NLRP14: variants seen among roughly 807,000 people sequenced by gnomAD.
NLRP14 encodes the protein NLR family pyrin domain containing 14.
Under a neutral mutation model 94.7 loss-of-function variants are expected in NLRP14, and 105 were observed. That is an observed-to-expected ratio of 1.11 (90% CI 0.95 to 1.30). The LOEUF is 1.30. NLRP14 is among the 50% of genes most tolerant of loss of function. The pLI is 0.00. For missense variants in NLRP14, 1,362 were observed against 1,254.1 expected, an observed-to-expected ratio of 1.09 and a Z score of -1.30; for synonymous variants, 508 against 459.9, an observed-to-expected ratio of 1.10 and a Z score of -1.34.
the NLRP14 span, chr11:7,089,171 C>T: frequency 1.2e-6 from 2 of 1,614,008 alleles, no homozygotes; most frequent in East Asian, 2.2e-5. Flanking sequence ...GCCTCAACCT[C>T]GAAACCGACG....
the NLRP14 span, among the ~76,000 whole-genome samples, chr11:7,080,160 T>C: frequency 6.6e-6 from 1 of 152,160 alleles, no homozygotes; most frequent in South Asian, 2.1e-4. Context: ...ACTGTTTAGG[T>C]ATCCTGGGGA....
At position 7,020,667 on chromosome 11, in the gene NLRP14, G is replaced by A. The variant is rs2291536; in HGVS notation, c.-125G>A. 14,376 of 152,398 alleles carry A rather than the reference G, an allele frequency of 0.094. 752 individuals are homozygous for A. Among genetic ancestry groups the A allele is most frequent in the Admixed American group, 0.16 (2,451 of 15,296 alleles). The allele number at this position is 152,398 out of a possible 1,614,324, so 9.4% of individuals were successfully genotyped here. A position where few individuals can be genotyped will look rare whatever the true frequency, so the allele number is the denominator to read the frequency against. ...GACGACCCCGAGGAAACGCTGTCAGGTCGCCTTTGGTTGGCAAGGCGTGGT... is the reference window on the plus strand; with the variant it reads ...GACGACCCCGAGGAAACGCTGTCAGATCGCCTTTGGTTGGCAAGGCGTGGT... On this transcript the variant is annotated 5_prime_UTR_variant, in exon 1 of 12. Coordinates refer to ENST00000299481, the MANE Select transcript of NLRP14 (RefSeq NM_176822.4).
At position 7,043,115 on chromosome 11, in the gene NLRP14, T is replaced by C. The variant is rs565254572; in HGVS notation, c.1089T>C (p.Phe363=). 6.8e-6 allele frequency: 11 copies of C among 1,614,184 alleles called. No individual in the cohort carries two copies. Among genetic ancestry groups the C allele is most frequent in the African/African-American group, 6.7e-5 (5 of 75,064 alleles). The change falls in exon 4 of 12, where the codon TTT becomes TTC. Residue 363 remains phenylalanine (F), a synonymous_variant. Coordinates refer to ENST00000299481, the MANE Select transcript of NLRP14 (RefSeq NM_176822.4). ...FSSLKSNEML[F]SMCQVPLVCW... ...CACTAAAAAGCAATGAGATGCTGTTTAGCATGTGCCAAGTCCCCCTAGTGT... is the reference window on the plus strand; with the variant it reads ...CACTAAAAAGCAATGAGATGCTGTTCAGCATGTGCCAAGTCCCCCTAGTGT...
intron 10 of NLRP14, among the ~76,000 whole-genome samples, chr11:7,066,117 A>G (rs567922599): frequency 6.6e-6 from 1 of 152,246 alleles, no homozygotes; most frequent in South Asian, 2.1e-4. Context: ...ATTGATTGGC[A>G]TTTGGGTTGG....
chr11:7,068,975 T>C (rs1852749530), intron 10 of NLRP14, among the ~76,000 whole-genome samples: 1 of 152,222 alleles, frequency 6.6e-6, no homozygotes, highest in African/African-American at 2.4e-5. Context: ...TCTGTATCAG[T>C]TAATTAAGAT....
At chr11:7,065,118 A>G (rs951766181) in intron 10 of NLRP14, among the ~76,000 whole-genome samples, 2 of 152,090 alleles carry the variant, frequency 1.3e-5, no homozygotes, top group Non-Finnish European at 2.9e-5. Flanking sequence ...AGTTACATAC[A>G]TATGTACTGC....
chr11:7,038,572 G>T lies in NLRP14; in HGVS notation c.-15G>T, dbSNP rs371761223. 1.9e-6 allele frequency: 3 copies of T among 1,612,750 alleles called. No homozygotes were observed. Among genetic ancestry groups the T allele is most frequent in the Non-Finnish European group, 2.5e-6 (3 of 1,179,780 alleles). The stretch of plus-strand genomic sequence containing the variant: ...ATTTTTTTTCCCCCCACAGAGGCCT[G>T]AATATTTGGACAAGATGGCAGATTC... On this transcript the variant is annotated 5_prime_UTR_variant, in exon 2 of 12. Transcript: ENST00000299481.
the NLRP14 span, among the ~76,000 whole-genome samples, chr11:7,078,127 T>G: frequency 2.0e-5 from 3 of 152,122 alleles, no homozygotes; most frequent in South Asian, 4.2e-4. Context: ...AAAAATAAAT[T>G]GGATGAAATT....
the NLRP14 span, chr11:7,089,503 A>G: frequency 1.6e-6 from 2 of 1,230,402 alleles, no homozygotes. Context: ...GGCGGGCCCG[A>G]TGATGACGGC....
At chr11:7,060,107 G>C (rs749308018) in intron 9 of NLRP14, 43 bp downstream of exon 9, 2 of 1,517,988 alleles carry the variant, frequency 1.3e-6, no homozygotes, top group Non-Finnish European at 1.8e-6. Context: ...TTCAACAACA[G>C]AGTGTCTGGG....
Position 7,038,636 on chromosome 11 carries a change from T to G in NLRP14, c.50T>G (p.Leu17Trp), listed in dbSNP as rs1852197013. The change falls in exon 2 of 12, where the codon TTG becomes TGG. Residue 17 changes from leucine (L) to tryptophan (W), a missense_variant. Physicochemically the swap from Leu to Trp is moderately conservative, Grantham distance 61 (BLOSUM62 -2). Transcript: ENST00000299481. ...TTCTTTCCTGATTTTGGGCTGCTAT[T>G]GTATTTGGAGGAGCTAAACAAAGAG... ...SSFFPDFGLL[L>W]YLEELNKEEL... 2 of 1,614,020 alleles carry G rather than the reference T, an allele frequency of 1.2e-6. No homozygotes were observed. The highest frequency in any genetic ancestry group is 3.3e-5 in the Admixed American group (2 of 60,008).
At chr11:7,083,391 T>C in the NLRP14 span, among the ~76,000 whole-genome samples, 11 of 152,344 alleles carry the variant, frequency 7.2e-5, no homozygotes, top group Non-Finnish European at 1.2e-4. Flanking sequence ...CTCGGTCTGA[T>C]GAAATGTTAC....
At chr11:7,082,511 C>T in the NLRP14 span, among the ~76,000 whole-genome samples, 7 of 152,142 alleles carry the variant, frequency 4.6e-5, no homozygotes, top group Non-Finnish European at 8.8e-5. Flanking sequence ...ATAGCAGGAG[C>T]GGTGTCAGCA....
At chr11:7,038,057 T>C (rs1178496791) in intron 1 of NLRP14, among the ~76,000 whole-genome samples, 1 of 152,114 alleles carries the variant, frequency 6.6e-6, no homozygotes, top group African/African-American at 2.4e-5. Context: ...TTGCATGTGT[T>C]TGTTGAGTAA....
intron 8 of NLRP14, among the ~76,000 whole-genome samples, chr11:7,059,061 A>T (rs774084031): frequency 6.6e-6 from 1 of 151,942 alleles, no homozygotes; most frequent in African/African-American, 2.4e-5. Flanking sequence ...ATAGTTGAAA[A>T]GTAACTTTTA....
At chr11:7,033,752 A>G (rs2119579725) in intron 1 of NLRP14, among the ~76,000 whole-genome samples, 1 of 152,330 alleles carries the variant, frequency 6.6e-6, no homozygotes, top group Admixed American at 6.5e-5. Context: ...TTGTCTCTGT[A>G]GATTCCTCTG....
At chr11:7,088,093 G>C in the NLRP14 span, among the ~76,000 whole-genome samples, 1 of 152,016 alleles carries the variant, frequency 6.6e-6, no homozygotes, top group Non-Finnish European at 1.5e-5. Context: ...GTTAGAAAAG[G>C]GAAGATTTAA....
intron 9 of NLRP14, among the ~76,000 whole-genome samples, 171 bp from the exon 10 acceptor site, chr11:7,062,162 T>C (rs962340245): frequency 6.6e-6 from 1 of 152,062 alleles, no homozygotes; most frequent in African/African-American, 2.4e-5. Context: ...ATTCTGCTCA[T>C]TAAGAAATCC....
At chr11:7,078,462 A>T in the NLRP14 span, among the ~76,000 whole-genome samples, 1 of 88,486 alleles carries the variant, frequency 1.1e-5, no homozygotes, top group African/African-American at 4.3e-5. Flanking sequence ...AAAAAAAAAA[A>T]CAAAAAAATT....
Sources: gnomAD v4.1 joint callset for allele counts (sites outside exome capture counted in the v4.1 genomes callset) on GRCh38, gnomAD v4.1.1 for gene constraint, MANE v1.5 for transcripts, NCBI Gene and HGNC (gene_info 2026-07-23, HGNC 2026-07-21) for gene names.